The following MARF1 variants were observed in gnomAD, a reference collection of about 807,000 sequenced individuals.
MARF1 encodes limkain-b1.
In MARF1, 24 loss-of-function variants were observed where a neutral mutation model predicts 168.2. The observed-to-expected ratio is 0.14, with a 90% confidence interval of 0.10 to 0.20. MARF1 has a LOEUF of 0.20. Among genes scored for constraint, MARF1 ranks in the 10% least tolerant of loss-of-function variants. The pLI, the probability that MARF1 is intolerant of heterozygous loss-of-function variation, is 1.00. For missense variants in MARF1, 1,744 were observed against 2,143.6 expected, an observed-to-expected ratio of 0.81 and a Z score of 3.68; for synonymous variants, 868 against 822.4, an observed-to-expected ratio of 1.06 and a Z score of -0.95.
At chr16:15,642,838 G>A (rs574179077) in intron 1 of MARF1, among the ~76,000 whole-genome samples, 180 bp downstream of exon 1, 1 of 152,192 alleles carries the variant, frequency 6.6e-6, no homozygotes, top group Non-Finnish European at 1.5e-5. Context: ...CCGAAAGGGA[G>A]ACAAGCCAAC....
chr16:15,596,848 T>C lies in MARF1; in HGVS notation c.5074A>G (p.Ile1692Val). 2 of 1,614,182 alleles carry C rather than the reference T, an allele frequency of 1.2e-6. No individual in the cohort carries two copies. Among genetic ancestry groups the C allele is most frequent in the South Asian group, 1.1e-5 (1 of 91,082 alleles). ...TLTSDSSSSC[I>V]SAAVPVPPCP... ...GGAGGCACGGGGACAGCTGCTGAGA[T>C]GCAGGACGAGCTGGAGTCAGAGGTC... Residue 1692 changes from isoleucine to valine, a missense_variant, in exon 27 of 27, where the codon ATC becomes GTC. Around this residue, in one of 7 missense-constraint regions of MARF1, gnomAD observed 313 missense variants for 337.4 expected, o/e 0.93. Transcript: ENST00000396368.
chr16:15,623,536 C>T (rs1394671067), intron 10 of MARF1, among the ~76,000 whole-genome samples: 7 of 152,148 alleles, frequency 4.6e-5, no homozygotes, highest in African/African-American at 1.7e-4. Context: ...CTGCCTCAGC[C>T]TCCCAAAGGG....
intron 2 of MARF1, among the ~76,000 whole-genome samples, chr16:15,638,610 A>G (rs112263237): frequency 0.022 from 3,355 of 152,258 alleles, 125 homozygotes; most frequent in East Asian, 0.16. Context: ...AAATGTCAAA[A>G]TCACAATGAG....
intron 21 of MARF1, among the ~76,000 whole-genome samples, chr16:15,605,129 G>C (rs72770192): frequency 0.01 from 1,582 of 152,338 alleles, 9 homozygotes; most frequent in Non-Finnish European, 0.017. Context: ...GCTGTGGGTG[G>C]CGAGGGTGAG....
At chr16:15,616,964 T>G (rs760896836) in intron 15 of MARF1, 88 bp downstream of exon 15, 2 of 1,477,274 alleles carry the variant, frequency 1.4e-6, no homozygotes, top group Admixed American at 2.1e-5. Flanking sequence ...GAGTACTTAT[T>G]TGTAAAGAGA....
intron 5 of MARF1, among the ~76,000 whole-genome samples, chr16:15,633,049 G>A (rs2035350691): frequency 6.6e-6 from 1 of 151,760 alleles, no homozygotes; most frequent in Non-Finnish European, 1.5e-5. Flanking sequence ...ATAACTGAAA[G>A]AATGATTAAA....
chr16:15,628,696 G>A (rs564828688), intron 7 of MARF1, among the ~76,000 whole-genome samples: 21 of 152,150 alleles, frequency 1.4e-4, no homozygotes, highest in Non-Finnish European at 3.1e-4. Flanking sequence ...GATTGCAGGC[G>A]TGAGCCACAT....
Position 15,596,534 on chromosome 16 carries a change from G to T in MARF1, c.*159C>A. On this transcript the variant is annotated 3_prime_UTR_variant, in exon 27 of 27. Coordinates refer to ENST00000396368, the MANE Select transcript of MARF1 (RefSeq NM_014647.4). ...AAGAAAGACTTCAGCTCAAAGCTGT[G>T]TTCAATGGAAAAGAAAAACATGATA... 1.7e-6 allele frequency: 1 copy of T among 601,874 alleles called. No homozygotes were observed. The highest frequency in any genetic ancestry group is 2.7e-6 in the Non-Finnish European group (1 of 371,114). 37.3% of individuals were successfully genotyped at this position (601,874 alleles called of 1,614,324 possible). A position where few individuals can be genotyped will look rare whatever the true frequency, so the allele number is the denominator to read the frequency against.
chr16:15,635,076 T>C, intron 3 of MARF1, 145 bp from the exon 4 acceptor site: 1 of 630,958 alleles, frequency 1.6e-6, no homozygotes, highest in Non-Finnish European at 2.7e-6. Context: ...CAAATAATCT[T>C]TCCAAGAACC....
chr16:15,636,604 T>C (rs912429734), intron 2 of MARF1, among the ~76,000 whole-genome samples: 5 of 152,154 alleles, frequency 3.3e-5, no homozygotes, highest in Non-Finnish European at 7.3e-5. Flanking sequence ...GGAGGGCCTG[T>C]TTACATCTTT....
intron 16 of MARF1, among the ~76,000 whole-genome samples, chr16:15,613,686 A>AATAAATAAATAAATAAATAAG (rs2033786582): frequency 1.3e-5 from 2 of 149,496 alleles, no homozygotes. Flanking sequence ...TAAATAAATA[A>AATAAATAAATAAATAAATAAG]ATAAAATAAA....
chr16:15,633,880 G>C, intron 4 of MARF1, 37 bp from the exon 5 acceptor site: 2 of 1,480,436 alleles, frequency 1.4e-6, no homozygotes, highest in Non-Finnish European at 1.9e-6. Context: ...ACTTGTAGTG[G>C]AAAATAAATG....
intron 25 of MARF1, 119 bp from the exon 26 acceptor site, chr16:15,599,143 A>T (rs762791002): frequency 1.0e-4 from 60 of 578,796 alleles, no homozygotes; most frequent in Admixed American, 3.9e-4. Context: ...GTCAAGAAGT[A>T]TTTAAGGTAT....
rs377205544 is a variant in MARF1, at chr16:15,600,377, G to A, written c.4813+51C>T. 591 of 1,609,944 alleles carry A rather than the reference G, an allele frequency of 3.7e-4. 5 individuals carry two copies. In the South Asian group the frequency reaches 3.7e-3, roughly 10 times the overall value. On this transcript the variant is annotated intron_variant, in intron 25 of 26. Coordinates refer to ENST00000396368, the MANE Select transcript of MARF1 (RefSeq NM_014647.4). ...CCTCGCTCTCCCCGACCCCAAAGCC[G>A]TTTCTCCTAGAATTTCACAAGCTCC...
rs190841986 is a variant in MARF1 at position 15,612,839 on chromosome 16, A to G, written c.3254-62T>C. On this transcript the variant is annotated intron_variant, in intron 16 of 26. Coordinates refer to ENST00000396368, the MANE Select transcript of MARF1 (RefSeq NM_014647.4). ...AGATTTCACCAGCTGAAAGAAGGGA[A>G]AATGGCCCTGCAGTCCCTGGCTTGA... The G allele has an allele frequency of 3.0e-4, 432 of 1,420,458 alleles. No individual in the cohort carries two copies. In the African/African-American group the frequency reaches 5.4e-3, roughly 18 times the overall value. 88.0% of individuals were successfully genotyped at this position (1,420,458 alleles called of 1,614,324 possible).
chr16:15,617,631 T>G, intron 13 of MARF1, 96 bp from the exon 14 acceptor site: 1 of 803,060 alleles, frequency 1.2e-6, no homozygotes, highest in Non-Finnish European at 2.0e-6. Context: ...TAACCAAGAA[T>G]GGTTCCTCCA....
At chr16:15,618,623 G>C (rs2034236382) in intron 13 of MARF1, among the ~76,000 whole-genome samples, 3 of 152,070 alleles carry the variant, frequency 2.0e-5, no homozygotes, top group Admixed American at 6.5e-5. Context: ...CCACATCCCT[G>C]GCCCTGGTGG....
chr16:15,599,154 T>TAAAAAAAA (rs565989147), intron 25 of MARF1, 130 bp from the exon 26 acceptor site: 558 of 298,742 alleles, frequency 1.9e-3, no homozygotes, highest in South Asian at 5.0e-3. Context: ...TTTAAGGTAT[T>TAAAAAAAA]AAAAAAAAAA....
chr16:15,621,696 G>A, intron 12 of MARF1, 37 bp downstream of exon 12: 2 of 1,581,968 alleles, frequency 1.3e-6, no homozygotes, highest in Non-Finnish European at 1.7e-6. Context: ...TGGGTCAAAT[G>A]TTATTTCCTG....
Sources: allele counts gnomAD v4.1 joint callset (sites outside exome capture counted in the v4.1 genomes callset), GRCh38; gene constraint gnomAD v4.1.1; regional missense constraint gnomAD v4.1.1; transcripts MANE v1.5; gene names NCBI Gene and HGNC (gene_info 2026-07-23, HGNC 2026-07-21).